ESR2: variants seen among roughly 807,000 people sequenced by gnomAD.
ESR2 encodes estrogen receptor 2, also known as estrogen receptor beta.
A neutral mutation model predicts 49.6 loss-of-function variants in ESR2; 36 were observed. The ratio of observed to expected loss-of-function variants is 0.73; its 90% CI spans 0.56 to 0.96. ESR2 has a LOEUF of 0.96. Among genes scored for constraint, ESR2 ranks in the 40% least tolerant of loss-of-function variants. The pLI, the probability that ESR2 is intolerant of heterozygous loss-of-function variation, is 0.00. For missense variants in ESR2, 714 were observed against 693.0 expected (o/e 1.03, Z -0.34); for synonymous variants, 320 against 266.1 (o/e 1.20, Z -1.97).
chr14:64,260,233 T>C, intron 5 of ESR2: 1 of 754,612 alleles, frequency 1.3e-6, no homozygotes, highest in Admixed American at 1.8e-5. Context: ...CTCAGAAGAG[T>C]CTCAGAATTC....
chr14:64,329,261 A>C (rs532812742), intron 1 of ESR2, among the ~76,000 whole-genome samples: 4 of 152,176 alleles, frequency 2.6e-5, no homozygotes, highest in Admixed American at 6.5e-5. Flanking sequence ...GAACGAACTT[A>C]CTCCCTCTAG....
At chr14:64,250,373 A>C (rs2140681324) in intron 6 of ESR2, among the ~76,000 whole-genome samples, 1 of 152,354 alleles carries the variant, frequency 6.6e-6, no homozygotes, top group Middle Eastern at 3.4e-3. Context: ...TGAGCCATCT[A>C]ATCAAAATTC....
chr14:64,261,232 C>CTTT (rs374264697), intron 4 of ESR2, among the ~76,000 whole-genome samples: 19,197 of 86,134 alleles, frequency 0.22, 3,319 homozygotes, highest in Non-Finnish European at 0.25. Context: ...TTTTATTTTT[C>CTTT]TTTTTTCTTT....
At chr14:64,316,991 G>C (rs1342012781) in intron 1 of ESR2, among the ~76,000 whole-genome samples, 1 of 151,654 alleles carries the variant, frequency 6.6e-6, no homozygotes, top group African/African-American at 2.4e-5. Context: ...GAGGCCAACT[G>C]TGGTGGCTCA....
At chr14:64,256,828 C>A (rs2076108895) in intron 6 of ESR2, among the ~76,000 whole-genome samples, 1 of 152,074 alleles carries the variant, frequency 6.6e-6, no homozygotes, top group South Asian at 2.1e-4. Flanking sequence ...AGAATTTTAT[C>A]ACCTGTCCAG....
At chr14:64,236,583 T>TC (rs1015459862) in intron 7 of ESR2, among the ~76,000 whole-genome samples, 85 of 152,176 alleles carry the variant, frequency 5.6e-4, no homozygotes, top group African/African-American at 2.0e-3. Context: ...CATCTGCAGT[T>TC]CCCACCACAC....
At chr14:64,325,689 A>AC (rs143211532) in intron 1 of ESR2, among the ~76,000 whole-genome samples, 1,866 of 152,272 alleles carry the variant, frequency 0.012, 17 homozygotes, top group Non-Finnish European at 0.021. Flanking sequence ...AGACAGCAAG[A>AC]CCAACCCCTC....
At chr14:64,245,825 C>G (rs1051685180) in intron 7 of ESR2, among the ~76,000 whole-genome samples, 1 of 152,160 alleles carries the variant, frequency 6.6e-6, no homozygotes. Context: ...CAGTGCTTTC[C>G]GAGAAGCACT....
chr14:64,305,030 C>T (rs2077071594), intron 1 of ESR2, among the ~76,000 whole-genome samples: 1 of 152,200 alleles, frequency 6.6e-6, no homozygotes, highest in African/African-American at 2.4e-5. Flanking sequence ...GTGGCTCACG[C>T]CTGTAATCCC....
rs1359606611 is a variant in ESR2, at chr14:64,231,490, G to C, written c.*1647C>G. 6.6e-6 allele frequency: 1 copy of C among 152,186 alleles called. No homozygotes were observed. The highest frequency in any genetic ancestry group is 1.5e-5 in the Non-Finnish European group (1 of 68,022). The allele number at this position is 152,186 out of a possible 1,614,324, so 9.4% of individuals were successfully genotyped here. On this transcript the variant is annotated 3_prime_UTR_variant, in exon 9 of 9. Coordinates refer to ENST00000341099, the MANE Select transcript of ESR2 (RefSeq NM_001437.3). ...AGACTGCCTCAGAACACAGACATCA[G>C]TGTGTTCTCTAGGTACTTGTCCAAG...
At chr14:64,233,424 C>T in intron 8 of ESR2, 101 bp from the exon 9 acceptor site, 2 of 1,133,736 alleles carry the variant, frequency 1.8e-6, no homozygotes, top group Non-Finnish European at 2.6e-6. Flanking sequence ...TCTACCCCAC[C>T]CCTAAACCCA....
At chr14:64,252,891 C>T (rs371477753) in intron 6 of ESR2, among the ~76,000 whole-genome samples, 18 of 152,224 alleles carry the variant, frequency 1.2e-4, no homozygotes, top group South Asian at 8.3e-4. Flanking sequence ...GGTCTCACCC[C>T]GATGCCCAGA....
rs956273067 is a variant in ESR2, at chr14:64,230,758, C to T, written c.*2379G>A. Among the ~76,000 whole-genome samples, 2 of 151,404 alleles carry T rather than the reference C, an allele frequency of 1.3e-5. No homozygotes were observed. The highest frequency in any genetic ancestry group is 6.6e-5 in the Admixed American group (1 of 15,200). On this transcript the variant is annotated 3_prime_UTR_variant, in exon 9 of 9. Transcript: ENST00000341099. ...GCTCAGCTGGAAACTCACTGTGCGG[C>T]GCTCCTGATACTGCCCACTCGAGGC...
intron 7 of ESR2, among the ~76,000 whole-genome samples, chr14:64,238,719 T>G (rs139258899): frequency 6.6e-6 from 1 of 151,246 alleles, no homozygotes; most frequent in African/African-American, 2.4e-5. Flanking sequence ...TAAAACAAAA[T>G]TAAATTACTT....
intron 5 of ESR2, among the ~76,000 whole-genome samples, chr14:64,259,466 G>A (rs138495197): frequency 2.0e-5 from 3 of 152,230 alleles, no homozygotes; most frequent in Non-Finnish European, 4.4e-5. Context: ...GAACAGCATG[G>A]AGAAGCTGTC....
At chr14:64,245,890 A>G (rs2075845647) in intron 7 of ESR2, among the ~76,000 whole-genome samples, 2 of 152,250 alleles carry the variant, frequency 1.3e-5, no homozygotes, top group African/African-American at 4.8e-5. Context: ...AAGCCCCATC[A>G]TCTGGCATTT....
At chr14:64,261,226 A>ATT (rs1567754632) in intron 4 of ESR2, among the ~76,000 whole-genome samples, 14 of 70,690 alleles carry the variant, frequency 2.0e-4, no homozygotes, top group African/African-American at 6.2e-4. Context: ...TAATGCTTTT[A>ATT]TTTTTCTTTT....
At chr14:64,328,689 C>A (rs2077418655) in intron 1 of ESR2, among the ~76,000 whole-genome samples, 2 of 152,270 alleles carry the variant, frequency 1.3e-5, no homozygotes, top group South Asian at 2.1e-4. Context: ...AAGCATGGCA[C>A]CAACATCTGT....
At chr14:64,333,390 T>C (rs1226605350) in intron 1 of ESR2, among the ~76,000 whole-genome samples, 1 of 152,192 alleles carries the variant, frequency 6.6e-6, no homozygotes, top group Non-Finnish European at 1.5e-5. Context: ...ATCCTTGACA[T>C]CGTATTTCAG....
Sources: gnomAD v4.1 joint callset for allele counts (sites outside exome capture counted in the v4.1 genomes callset) on GRCh38, gnomAD v4.1.1 for gene constraint, MANE v1.5 for transcripts, NCBI Gene and HGNC (gene_info 2026-07-23, HGNC 2026-07-21) for gene names.